The following TRPM3 variants were observed in gnomAD, a reference collection of about 807,000 sequenced individuals.
TRPM3 encodes the protein transient receptor potential cation channel subfamily M member 3.
In TRPM3, 77 loss-of-function variants were observed where a neutral mutation model predicts 181.2. The observed-to-expected ratio is 0.42, with a 90% CI of 0.35 to 0.51. TRPM3 has a LOEUF of 0.51. Among genes scored for constraint, TRPM3 ranks in the 20% least tolerant of loss-of-function variants. The pLI is 0.01. For synonymous variants in TRPM3, 745 were observed against 796.4 expected, an observed-to-expected ratio of 0.94 and a Z score of 1.09; for missense variants, 1,759 against 2,196.7, an observed-to-expected ratio of 0.80 and a Z score of 3.98.
At chr9:71,054,260 T>C (rs1189637007) in intron 1 of TRPM3, among the ~76,000 whole-genome samples, 1 of 152,112 alleles carries the variant, frequency 6.6e-6, no homozygotes, top group Non-Finnish European at 1.5e-5. Flanking sequence ...AGAAGGCTGA[T>C]TTTGTGGACT....
intron 1 of TRPM3, among the ~76,000 whole-genome samples, chr9:71,152,540 A>G (rs1367133997): frequency 1.3e-5 from 2 of 152,110 alleles, no homozygotes; most frequent in African/African-American, 4.8e-5. Context: ...ATAAGGGATA[A>G]TTTTATTTTA....
intron 22 of TRPM3, among the ~76,000 whole-genome samples, chr9:70,581,189 T>C (rs922340468): frequency 1.1e-4 from 16 of 152,230 alleles, no homozygotes; most frequent in East Asian, 1.9e-4. Context: ...AGCCCCTCTA[T>C]CCTTAACTCA....
rs181985466 is a variant in TRPM3 at position 71,372,794 on chromosome 9, C to T, written c.183+73859G>A. ...TGGCAAGCTGGGTAAAGGGTCAAGACCCATTGGCATGCTGTCTTCAAGAGA... is the reference window on the plus strand; with the variant it reads ...TGGCAAGCTGGGTAAAGGGTCAAGATCCATTGGCATGCTGTCTTCAAGAGA... On this transcript the variant is annotated intron_variant, in intron 1 of 24. Coordinates refer to the TRPM3 transcript ENST00000357533. Among the ~76,000 whole-genome samples, 8 of 152,206 alleles carry T rather than the reference C, an allele frequency of 5.3e-5. No individual in the cohort carries two copies. The East Asian group carries it at 1.4e-3, about 26-fold the overall frequency.
chr9:71,404,975 AC>A (rs1271316610), intron 1 of TRPM3, among the ~76,000 whole-genome samples: 3 of 152,028 alleles, frequency 2.0e-5, no homozygotes, highest in Non-Finnish European at 4.4e-5. Flanking sequence ...TTGGTCCATG[AC>A]CCCTTCGGCT....
chr9:71,415,250 G>C (rs1222194479), intron 1 of TRPM3, among the ~76,000 whole-genome samples: 1 of 152,010 alleles, frequency 6.6e-6, no homozygotes, highest in Non-Finnish European at 1.5e-5. Context: ...CTGACACCTT[G>C]ATTTCTGCCT....
intron 1 of TRPM3, among the ~76,000 whole-genome samples, chr9:71,150,389 T>C (rs1183830142): frequency 6.6e-6 from 1 of 152,156 alleles, no homozygotes; most frequent in Non-Finnish European, 1.5e-5. Context: ...AGTATATAAA[T>C]ATCTTAACGG....
At chr9:70,787,229 A>T (rs2083877322) in intron 6 of TRPM3, among the ~76,000 whole-genome samples, 2 of 151,834 alleles carry the variant, frequency 1.3e-5, no homozygotes, top group Admixed American at 6.6e-5. Flanking sequence ...TAAAATGATG[A>T]AAACAAACGT....
intron 1 of TRPM3, among the ~76,000 whole-genome samples, chr9:71,015,143 G>A (rs901776177): frequency 1.3e-5 from 2 of 152,134 alleles, no homozygotes; most frequent in African/African-American, 2.4e-5. Context: ...TTTGGTACCT[G>A]AACCATAGAT....
chr9:70,781,326 TAAAAAAAAA>T (rs35173071), intron 7 of TRPM3, among the ~76,000 whole-genome samples: 2 of 106,156 alleles, frequency 1.9e-5, no homozygotes, highest in African/African-American at 3.7e-5. Flanking sequence ...TTCCATTTCA[TAAAAAAAAA>T]AAAAAAAAAA....
At chr9:71,194,384 T>C (rs183506274) in intron 1 of TRPM3, among the ~76,000 whole-genome samples, 101 of 152,076 alleles carry the variant, frequency 6.6e-4, no homozygotes, top group African/African-American at 2.4e-3. Flanking sequence ...TCCTAACTTC[T>C]CTTTAAGTCA....
chr9:70,854,083 A>G (rs1326644162), intron 3 of TRPM3, among the ~76,000 whole-genome samples: 1 of 152,222 alleles, frequency 6.6e-6, no homozygotes, highest in African/African-American at 2.4e-5. Flanking sequence ...GCCCAGAGCA[A>G]TTAATCAATT....
Position 70,916,656 on chromosome 9 carries a change from T to G in TRPM3, c.178-52145A>C, listed in dbSNP as rs535728719. Among the ~76,000 whole-genome samples, 9 of 152,300 alleles carry G rather than the reference T, an allele frequency of 5.9e-5. No homozygotes were observed. The South Asian group carries it at 1.9e-3, about 32-fold the overall frequency. ...TGAATAAATATACTATATTATTTATTTGATATATAGTTGTATAAAAAGTCT... is the reference window on the plus strand; with the variant it reads ...TGAATAAATATACTATATTATTTATGTGATATATAGTTGTATAAAAAGTCT... On this transcript the variant is annotated intron_variant, in intron 1 of 25. Transcript: ENST00000677713.
intron 1 of TRPM3, among the ~76,000 whole-genome samples, chr9:71,220,426 G>A (rs1340877196): frequency 1.3e-5 from 2 of 151,272 alleles, no homozygotes; most frequent in Admixed American, 1.3e-4. Flanking sequence ...AGGTGAGTTA[G>A]GGAAGAAAAG....
chr9:71,408,791 A>G (rs7035821), intron 1 of TRPM3, among the ~76,000 whole-genome samples: 2,207 of 152,224 alleles, frequency 0.014, 48 homozygotes, highest in East Asian at 0.085. Flanking sequence ...CAACCCCAAG[A>G]CATGTAATTG....
intron 1 of TRPM3, among the ~76,000 whole-genome samples, chr9:71,183,507 C>T (rs979895164): frequency 6.6e-6 from 1 of 152,114 alleles, no homozygotes; most frequent in Non-Finnish European, 1.5e-5. Flanking sequence ...ATCACCCTGA[C>T]AACAGTCCTA....
At chr9:70,810,852 C>G (rs1415232) in intron 6 of TRPM3, among the ~76,000 whole-genome samples, 42,478 of 151,986 alleles carry the variant, frequency 0.28, 7,600 homozygotes, top group African/African-American at 0.51. Context: ...TAATCCCTAT[C>G]TTGAAGGGTT....
chr9:71,042,314 A>G (rs1310622468), intron 1 of TRPM3, among the ~76,000 whole-genome samples: 1 of 152,180 alleles, frequency 6.6e-6, no homozygotes, highest in African/African-American at 2.4e-5. Context: ...CTTTTCTTCA[A>G]TGTTTACATA....
intron 9 of TRPM3, among the ~76,000 whole-genome samples, chr9:70,655,582 T>C (rs1589855723): frequency 6.6e-6 from 1 of 152,240 alleles, no homozygotes; most frequent in East Asian, 1.9e-4. Context: ...AGCTATAGGA[T>C]CTTTGTGTGC....
chr9:71,159,702 A>G (rs189573656), intron 1 of TRPM3, among the ~76,000 whole-genome samples: 11 of 152,252 alleles, frequency 7.2e-5, no homozygotes, highest in Admixed American at 7.2e-4. Context: ...ATATGTCAAT[A>G]CAGAGAACAC....
Sources: allele counts gnomAD v4.1 joint callset (sites outside exome capture counted in the v4.1 genomes callset), GRCh38; gene constraint gnomAD v4.1.1; transcripts MANE v1.5; gene names NCBI Gene and HGNC (gene_info 2026-07-23, HGNC 2026-07-21).